The following RNF111 variants were observed in gnomAD, a reference collection of about 807,000 sequenced individuals.
RNF111 encodes ring finger protein 111.
In RNF111, 17 loss-of-function variants were observed where a neutral mutation model predicts 95.1. The ratio of observed to expected loss-of-function variants is 0.18; its 90% CI spans 0.12 to 0.27. The LOEUF (loss-of-function observed/expected upper bound fraction) is 0.27. Among genes scored for constraint, RNF111 ranks in the 10% least tolerant of loss-of-function variants. The pLI is 1.00. For missense variants in RNF111, 1,189 were observed against 1,210.4 expected, an observed-to-expected ratio of 0.98 and a Z score of 0.26; for synonymous variants, 440 against 414.8, an observed-to-expected ratio of 1.06 and a Z score of -0.74.
chr15:59,044,588 G>A (rs1180008597), intron 2 of RNF111, among the ~76,000 whole-genome samples: 1 of 151,748 alleles, frequency 6.6e-6, no homozygotes, highest in Non-Finnish European at 1.5e-5. Flanking sequence ...TTCTCATGAT[G>A]TTTTAAAAGC....
chr15:59,027,593 A>T (rs1210807438), intron 1 of RNF111, among the ~76,000 whole-genome samples: 1 of 151,904 alleles, frequency 6.6e-6, no homozygotes, highest in Non-Finnish European at 1.5e-5. Context: ...CAATGGCGCA[A>T]TCTCGGCTCA....
intron 1 of RNF111, among the ~76,000 whole-genome samples, chr15:58,996,615 T>G (rs1218341308): frequency 1.3e-5 from 2 of 148,178 alleles, no homozygotes; most frequent in Non-Finnish European, 3.0e-5. Flanking sequence ...TGAAACAGAA[T>G]TTTTGTATGT....
chr15:59,043,983 A>C (rs879456313), intron 2 of RNF111, among the ~76,000 whole-genome samples: 2 of 152,172 alleles, frequency 1.3e-5, no homozygotes, highest in Non-Finnish European at 2.9e-5. Flanking sequence ...GACATGCATA[A>C]TACTATATGT....
Position 59,095,066 on chromosome 15 carries a change from A to G in RNF111, c.*166A>G. ...TGCTAGACCTACAGTTTATGTATAC[A>G]GTTGATTTTGATGTATTTATAAAAG... On this transcript the variant is annotated 3_prime_UTR_variant, in exon 14 of 14. Coordinates refer to ENST00000348370, the MANE Select transcript of RNF111 (RefSeq NM_017610.8). 1.6e-6 allele frequency: 1 copy of G among 620,794 alleles called. No homozygotes were observed. Among genetic ancestry groups the G allele is most frequent in the Non-Finnish European group, 2.9e-6 (1 of 347,344 alleles). The allele number at this position is 620,794 out of a possible 1,614,324, so 38.5% of individuals were successfully genotyped here.
At chr15:59,018,844 G>A (rs1180795203) in intron 1 of RNF111, among the ~76,000 whole-genome samples, 6 of 152,114 alleles carry the variant, frequency 3.9e-5, no homozygotes, top group Admixed American at 3.9e-4. Context: ...ATAAGAAAAG[G>A]ATGAAAAAAA....
intron 1 of RNF111, among the ~76,000 whole-genome samples, chr15:59,012,036 A>C (rs1235975605): frequency 2.6e-5 from 1 of 38,746 alleles, no homozygotes; most frequent in African/African-American, 1.1e-4. Flanking sequence ...TTTTTTTGAG[A>C]TGGAGTCTCG....
At position 59,078,624 on chromosome 15, in the gene RNF111, C is replaced by T. The variant is rs1362239388; in HGVS notation, c.1949-2312C>T. On this transcript the variant is annotated intron_variant, in intron 7 of 13. Coordinates refer to ENST00000348370, the MANE Select transcript of RNF111 (RefSeq NM_017610.8). ...TGTAATCCCAGCACTTTCGGGAGGC[C>T]GAGGCGGGTGGATCACCTGAGGTCA... Among the ~76,000 whole-genome samples the T allele has an allele frequency of 3.3e-5, 5 of 151,074 alleles. No homozygotes were observed. The South Asian group carries it at 6.3e-4, about 19-fold the overall frequency.
At chr15:59,028,001 A>T (rs1335582138) in intron 1 of RNF111, among the ~76,000 whole-genome samples, 1 of 150,498 alleles carries the variant, frequency 6.6e-6, no homozygotes, top group Non-Finnish European at 1.5e-5. Flanking sequence ...AATTTTTTGT[A>T]TTTTTAGTAG....
chr15:59,026,881 TACAA>T (rs1247380750), intron 1 of RNF111, among the ~76,000 whole-genome samples: 15 of 152,180 alleles, frequency 9.9e-5, no homozygotes, highest in African/African-American at 3.6e-4. Flanking sequence ...TTAACTGGTG[TACAA>T]ACACACACCA....
chr15:58,994,473 C>CTTTTT (rs35787227), intron 1 of RNF111, among the ~76,000 whole-genome samples: 12 of 69,522 alleles, frequency 1.7e-4, no homozygotes, highest in South Asian at 6.4e-4. Context: ...TTTTCTCTCT[C>CTTTTT]TTTTTTTTTT....
At chr15:59,059,026 C>G (rs1262662506) in intron 5 of RNF111, among the ~76,000 whole-genome samples, 1 of 152,046 alleles carries the variant, frequency 6.6e-6, no homozygotes, top group African/African-American at 2.4e-5. Context: ...GCTTGTAATT[C>G]CAGTACTTTG....
intron 1 of RNF111, among the ~76,000 whole-genome samples, chr15:59,021,572 C>T (rs1243507787): frequency 6.6e-6 from 1 of 152,146 alleles, no homozygotes; most frequent in African/African-American, 2.4e-5. Context: ...AGCCACTATG[C>T]CATGTGCTTT....
intron 12 of RNF111, among the ~76,000 whole-genome samples, chr15:59,091,904 T>C (rs557800249): frequency 1.3e-5 from 2 of 152,326 alleles, no homozygotes; most frequent in Admixed American, 6.5e-5. Flanking sequence ...TTCACGCTTC[T>C]ATGAGAATCT....
At chr15:59,084,442 C>A (rs746638884) in intron 9 of RNF111, 188 bp downstream of exon 9, 9 of 430,044 alleles carry the variant, frequency 2.1e-5, no homozygotes, top group Non-Finnish European at 3.2e-5. Context: ...GGGCAGGGAA[C>A]CATATCAAGC....
chr15:59,021,109 G>A (rs557281772), intron 1 of RNF111, among the ~76,000 whole-genome samples: 1 of 152,102 alleles, frequency 6.6e-6, no homozygotes, highest in Non-Finnish European at 1.5e-5. Flanking sequence ...TCATTCTTAT[G>A]CCTCTGTGTC....
intron 1 of RNF111, among the ~76,000 whole-genome samples, chr15:59,029,730 G>C (rs1313797369): frequency 6.6e-6 from 1 of 152,146 alleles, no homozygotes; most frequent in Admixed American, 6.5e-5. Flanking sequence ...TACAATAGTG[G>C]TTAACAGTTT....
intron 1 of RNF111, among the ~76,000 whole-genome samples, chr15:58,990,494 C>CA (rs534117403): frequency 1.3e-3 from 196 of 152,228 alleles, no homozygotes; most frequent in African/African-American, 4.4e-3. Context: ...ACTGAAAATA[C>CA]AAAAAATTAG....
intron 3 of RNF111, among the ~76,000 whole-genome samples, chr15:59,054,320 A>G (rs968111223): frequency 1.3e-5 from 2 of 152,174 alleles, no homozygotes; most frequent in South Asian, 2.1e-4. Flanking sequence ...CATAGTGGCC[A>G]CTAATACCTC....
rs1198317575 is a variant in RNF111 at position 59,097,030 on chromosome 15, T to C, written c.*2130T>C. The C allele has an allele frequency of 2.0e-5, 3 of 152,264 alleles. No individual in the cohort carries two copies. 9.4% of individuals were successfully genotyped at this position (152,264 alleles called of 1,614,324 possible). Reference sequence around the variant, plus strand: ...CAAAGCTTTGTTACTTTGAAATTTATTTAATAAAAGTATTTGTGACATAAA... The same window carrying C: ...CAAAGCTTTGTTACTTTGAAATTTACTTAATAAAAGTATTTGTGACATAAA... On this transcript the variant is annotated 3_prime_UTR_variant, in exon 14 of 14. Transcript: ENST00000348370.
Sources: gnomAD v4.1 joint callset for allele counts (sites outside exome capture counted in the v4.1 genomes callset) on GRCh38, gnomAD v4.1.1 for gene constraint, MANE v1.5 for transcripts, NCBI Gene and HGNC (gene_info 2026-07-23, HGNC 2026-07-21) for gene names.